Variants in TSPAN9 observed in about 807,000 individuals in gnomAD.
The protein encoded by TSPAN9 is tetraspanin 9.
TSPAN9 carries 16 observed loss-of-function variants against 31.0 expected under a neutral mutation model. The observed-to-expected ratio is 0.52, with a 90% CI of 0.35 to 0.78. TSPAN9 has a LOEUF of 0.78. TSPAN9 is among the 30% of genes least tolerant of loss of function. The pLI is 0.01. For missense variants in TSPAN9, 272 were observed against 312.5 expected, an observed-to-expected ratio of 0.87 and a Z score of 0.98; for synonymous variants, 145 against 121.6, an observed-to-expected ratio of 1.19 and a Z score of -1.27.
chr12:3,089,782 T>C (rs2098303234), intron 2 of TSPAN9, among the ~76,000 whole-genome samples: 1 of 151,912 alleles, frequency 6.6e-6, no homozygotes, highest in South Asian at 2.1e-4. Flanking sequence ...CATGCATACC[T>C]GTAGTCCCAG....
chr12:3,195,387 C>T (rs2098366549), intron 2 of TSPAN9, among the ~76,000 whole-genome samples: 1 of 152,172 alleles, frequency 6.6e-6, no homozygotes, highest in Admixed American at 6.5e-5. Flanking sequence ...CACTTTTCTT[C>T]TTCCCCTCTG....
chr12:3,083,303 T>G (rs2098298811), intron 1 of TSPAN9, among the ~76,000 whole-genome samples: 1 of 152,228 alleles, frequency 6.6e-6, no homozygotes, highest in Admixed American at 6.5e-5. Flanking sequence ...TGGCCAAAAT[T>G]GTAATATTAA....
intron 2 of TSPAN9, among the ~76,000 whole-genome samples, chr12:3,161,716 C>G (rs1344651465): frequency 2.0e-5 from 3 of 152,156 alleles, no homozygotes; most frequent in South Asian, 2.1e-4. Flanking sequence ...GTTCACTAGA[C>G]CCAGAATGGT....
intron 3 of TSPAN9, among the ~76,000 whole-genome samples, chr12:3,275,732 C>T (rs963182354): frequency 3.3e-5 from 5 of 152,204 alleles, no homozygotes; most frequent in Admixed American, 6.5e-5. Flanking sequence ...GGAGCCCTGA[C>T]GTGGTTCCAT....
chr12:3,078,020 T>A (rs2098295965), intron 1 of TSPAN9, among the ~76,000 whole-genome samples: 1 of 152,188 alleles, frequency 6.6e-6, no homozygotes, highest in Admixed American at 6.5e-5. Flanking sequence ...TTGTGGTTTT[T>A]AAAAAAAGAT....
chr12:3,128,976 A>G (rs34071646), intron 2 of TSPAN9, among the ~76,000 whole-genome samples: 20,615 of 152,142 alleles, frequency 0.14, 1,717 homozygotes, highest in Middle Eastern at 0.22. Flanking sequence ...CTGGCTATGA[A>G]TTGGATTATT....
Position 3,278,549 on chromosome 12 carries a change from C to T in TSPAN9, c.192C>T (p.Val64=). 2 of 1,614,202 alleles carry T rather than the reference C, an allele frequency of 1.2e-6. No homozygotes were observed. The highest frequency in any genetic ancestry group is 1.7e-6 in the Non-Finnish European group (2 of 1,180,040). ...ANLVIAIGTI[V]MVTGFLGCLG... Reference sequence around the variant, plus strand: ...TGGTCATTGCCATAGGCACCATTGTCATGGTGACGGGCTTCCTCGGCTGCC... The same window carrying T: ...TGGTCATTGCCATAGGCACCATTGTTATGGTGACGGGCTTCCTCGGCTGCC... Residue 64 remains valine, a synonymous_variant, in exon 4 of 9, where the codon GTC becomes GTT. Transcript: ENST00000011898.
At chr12:3,262,448 A>T (rs1203680318) in intron 3 of TSPAN9, among the ~76,000 whole-genome samples, 6 of 151,072 alleles carry the variant, frequency 4.0e-5, no homozygotes, top group African/African-American at 7.3e-5. Context: ...AATGTGTAGT[A>T]ATCGTTTCTT....
At chr12:3,121,352 CTTTTTTTTTTTTTTTTT>C (rs59198394) in intron 2 of TSPAN9, among the ~76,000 whole-genome samples, 1 of 108,290 alleles carries the variant, frequency 9.2e-6, no homozygotes, top group African/African-American at 3.6e-5. Context: ...GGGATGTTGG[CTTTTTTTTTTTTTTTTT>C]TTTTTTTTGA....
chr12:3,182,831 G>T lies in TSPAN9; in HGVS notation c.-17-18346G>T, dbSNP rs1034008603. ...GGGAGGCTAATTGGAGCCTAGAATT[G>T]GGGCAGGCAGAGAGGTGAGCCAGGC... On this transcript the variant is annotated intron_variant, in intron 2 of 8. Coordinates refer to ENST00000011898, the MANE Select transcript of TSPAN9 (RefSeq NM_006675.5). Among the ~76,000 whole-genome samples, 20 of 152,130 alleles carry T rather than the reference G, an allele frequency of 1.3e-4. 1 individual carries two copies. Among genetic ancestry groups the T allele is most frequent in the Admixed American group, 1.1e-3 (17 of 15,284 alleles).
At chr12:3,145,020 A>G (rs539203854) in intron 2 of TSPAN9, among the ~76,000 whole-genome samples, 2 of 152,238 alleles carry the variant, frequency 1.3e-5, no homozygotes, top group Non-Finnish European at 1.5e-5. Context: ...TTCCTTGTGC[A>G]GAGAGCTCAA....
intron 3 of TSPAN9, among the ~76,000 whole-genome samples, chr12:3,239,912 G>C (rs544989780): frequency 1.1e-4 from 16 of 152,106 alleles, no homozygotes; most frequent in South Asian, 2.1e-4. Flanking sequence ...GACTATATAG[G>C]GGGGGGACGA....
At chr12:3,113,258 GTGGGGA>G (rs144220725) in intron 2 of TSPAN9, among the ~76,000 whole-genome samples, 2,437 of 152,304 alleles carry the variant, frequency 0.016, 72 homozygotes, top group African/African-American at 0.055. Flanking sequence ...GGCATGTGTG[GTGGGGA>G]GGGAGAGCAT....
intron 3 of TSPAN9, among the ~76,000 whole-genome samples, chr12:3,264,588 C>T (rs1014386788): frequency 6.6e-6 from 1 of 152,200 alleles, no homozygotes; most frequent in Non-Finnish European, 1.5e-5. Flanking sequence ...CAGGAGCAGC[C>T]TCTGTGTGCC....
At chr12:3,162,965 G>T (rs2098346224) in intron 2 of TSPAN9, among the ~76,000 whole-genome samples, 1 of 152,316 alleles carries the variant, frequency 6.6e-6, no homozygotes, top group Non-Finnish European at 1.5e-5. Context: ...TCCCACTGTG[G>T]ACAGCATGGG....
At chr12:3,081,423 G>A (rs904702816) in intron 1 of TSPAN9, among the ~76,000 whole-genome samples, 4 of 152,056 alleles carry the variant, frequency 2.6e-5, no homozygotes, top group African/African-American at 4.8e-5. Context: ...CATGCTTTGC[G>A]CGTTCCTTCT....
intron 2 of TSPAN9, among the ~76,000 whole-genome samples, chr12:3,138,091 C>T (rs1242508739): frequency 7.2e-5 from 11 of 152,322 alleles, no homozygotes; most frequent in South Asian, 2.1e-4. Context: ...CTGCATTTGT[C>T]GTCCATGGGT....
intron 3 of TSPAN9, among the ~76,000 whole-genome samples, chr12:3,264,653 A>G (rs963017254): frequency 2.0e-5 from 3 of 152,336 alleles, no homozygotes; most frequent in South Asian, 2.1e-4. Flanking sequence ...TCTCTCCACC[A>G]CAGGCTCCCG....
At chr12:3,180,641 T>C (rs2098358174) in intron 2 of TSPAN9, among the ~76,000 whole-genome samples, 3 of 152,208 alleles carry the variant, frequency 2.0e-5, no homozygotes, top group African/African-American at 7.2e-5. Flanking sequence ...TAAATATCTG[T>C]TATAACTCAG....
Sources: gnomAD v4.1 joint callset for allele counts (sites outside exome capture counted in the v4.1 genomes callset) on GRCh38, gnomAD v4.1.1 for gene constraint, MANE v1.5 for transcripts, NCBI Gene and HGNC (gene_info 2026-07-23, HGNC 2026-07-21) for gene names.